Variants in DYNC2LI1 observed in about 807,000 individuals in gnomAD.
DYNC2LI1 encodes dynein cytoplasmic 2 light intermediate chain 1, also known as cytoplasmic dynein 2 light intermediate chain 1.
DYNC2LI1 carries 45 observed loss-of-function variants against 51.9 expected under a neutral mutation model. The ratio of observed to expected loss-of-function variants is 0.87; its 90% CI spans 0.68 to 1.11. The LOEUF (loss-of-function observed/expected upper bound fraction) is 1.11. DYNC2LI1 is among the 50% of genes most tolerant of loss of function. The probability of loss-of-function intolerance (pLI) is 0.00; values close to 1 mark genes in which losing one functional copy is unlikely to be tolerated. For missense variants in DYNC2LI1, 490 were observed against 417.4 expected (o/e 1.17, Z -1.51); for synonymous variants, 130 against 137.8 (o/e 0.94, Z 0.40).
intron 5 of DYNC2LI1, among the ~76,000 whole-genome samples, chr2:43,791,648 C>T (rs1277168460): frequency 1.3e-5 from 2 of 152,178 alleles, no homozygotes; most frequent in Non-Finnish European, 1.5e-5. Context: ...GTCAAAAACA[C>T]TCAAACTGTT....
At chr2:43,824,366 A>G in the DYNC2LI1 span, 1 of 1,614,186 alleles carries the variant, frequency 6.2e-7, no homozygotes, top group Non-Finnish European at 8.5e-7. Flanking sequence ...AGATTCTATC[A>G]TCTGGACTCT....
At chr2:43,822,970 C>G in the DYNC2LI1 span, 1 of 1,611,702 alleles carries the variant, frequency 6.2e-7, no homozygotes, top group Non-Finnish European at 8.5e-7. Flanking sequence ...AACAGTCAGT[C>G]ACCACCCAGC....
At chr2:43,808,288 AAT>A (rs1666344537) in intron 12 of DYNC2LI1, among the ~76,000 whole-genome samples, 1 of 151,974 alleles carries the variant, frequency 6.6e-6, no homozygotes, top group Non-Finnish European at 1.5e-5. Context: ...CACAAGGAAA[AAT>A]TCTTCCTAAG....
the DYNC2LI1 span, among the ~76,000 whole-genome samples, chr2:43,815,579 T>C: frequency 2.0e-5 from 3 of 151,962 alleles, no homozygotes; most frequent in Non-Finnish European, 2.9e-5. Flanking sequence ...CATTGAGAGG[T>C]TGCTAATTGA....
At chr2:43,795,048 A>G (rs1673969324) in intron 6 of DYNC2LI1, 2 of 1,047,436 alleles carry the variant, frequency 1.9e-6, no homozygotes, top group South Asian at 4.4e-5. Flanking sequence ...ATCACTCTGT[A>G]TTTTACATTC....
intron 10 of DYNC2LI1, among the ~76,000 whole-genome samples, chr2:43,803,454 A>G (rs1666138577): frequency 6.6e-6 from 1 of 152,182 alleles, no homozygotes; most frequent in Non-Finnish European, 1.5e-5. Flanking sequence ...ATTTATAAAA[A>G]ATTTTGAAAT....
At chr2:43,822,561 C>G in the DYNC2LI1 span, 1 of 984,140 alleles carries the variant, frequency 1.0e-6, no homozygotes, top group Non-Finnish European at 1.2e-6. Context: ...TGGGACAGGT[C>G]ATTCCCAGGC....
chr2:43,794,894 AG>A, intron 6 of DYNC2LI1: 1 of 1,386,970 alleles, frequency 7.2e-7, no homozygotes. Context: ...TCAGAGAAAT[AG>A]AGTTTTAAAG....
At chr2:43,809,636 C>A in intron 12 of DYNC2LI1, 69 bp from the exon 13 acceptor site, 1 of 1,015,870 alleles carries the variant, frequency 9.8e-7, no homozygotes, top group Non-Finnish European at 1.5e-6. Flanking sequence ...AATGAGAAGG[C>A]AGTTTTAAGG....
chr2:43,784,284 A>C (rs1263469381), intron 3 of DYNC2LI1, among the ~76,000 whole-genome samples: 1 of 152,230 alleles, frequency 6.6e-6, no homozygotes, highest in Non-Finnish European at 1.5e-5. Context: ...AACTATCAAC[A>C]GTAACACCTG....
intron 1 of DYNC2LI1, among the ~76,000 whole-genome samples, chr2:43,774,377 C>T (rs891864908): frequency 6.6e-6 from 1 of 152,198 alleles, no homozygotes; most frequent in Admixed American, 6.5e-5. Context: ...ATCAGCAACT[C>T]CACCCATTCA....
At chr2:43,814,422 A>C (rs765230893), downstream of DYNC2LI1, 11 of 1,126,666 alleles carry the variant, frequency 9.8e-6, no homozygotes, top group Non-Finnish European at 1.5e-5. Context: ...TTCCTCCAAG[A>C]AATTGCTTCC....
the DYNC2LI1 span, chr2:43,826,354 C>T: frequency 3.7e-6 from 6 of 1,613,484 alleles, no homozygotes; most frequent in Non-Finnish European, 5.1e-6. Flanking sequence ...ACACCATAGA[C>T]CCGGCCTTTA....
chr2:43,809,848 T>C lies in DYNC2LI1; in HGVS notation c.*81T>C. On this transcript the variant is annotated 3_prime_UTR_variant, in exon 13 of 13. Transcript: ENST00000260605. ...TACTGTGAATTAACTATTGTGGCAA[T>C]ATGTGAAGAAAGTTAAACTGTATAA... 6.6e-7 allele frequency: 1 copy of C among 1,514,432 alleles called. No individual in the cohort carries two copies. Among genetic ancestry groups the C allele is most frequent in the Non-Finnish European group, 8.8e-7 (1 of 1,133,416 alleles). 93.8% of individuals were successfully genotyped at this position (1,514,432 alleles called of 1,614,324 possible).
chr2:43,806,718 G>A (rs1215164249), intron 12 of DYNC2LI1, among the ~76,000 whole-genome samples: 3 of 152,210 alleles, frequency 2.0e-5, no homozygotes, highest in Non-Finnish European at 4.4e-5. Flanking sequence ...TAAAGGATTA[G>A]GGTATTTGTG....
rs774548903 is a variant in DYNC2LI1 at position 43,800,790 on chromosome 2, T to G, written c.655-51T>G. ...CAAAGCCATATTTATTTTACCTGTT[T>G]CTGTGATTGGAAAATAGAGCATGTA... On this transcript the variant is annotated intron_variant, in intron 8 of 12. Coordinates refer to ENST00000260605, the MANE Select transcript of DYNC2LI1 (RefSeq NM_016008.4). The G allele has an allele frequency of 1.3e-5, 13 of 1,018,106 alleles. No homozygotes were observed. In the African/African-American group the frequency reaches 2.1e-4, roughly 17 times the overall value. 63.1% of individuals were successfully genotyped at this position (1,018,106 alleles called of 1,614,324 possible).
At chr2:43,787,532 C>T (rs148315762) in intron 4 of DYNC2LI1, among the ~76,000 whole-genome samples, 26 of 152,138 alleles carry the variant, frequency 1.7e-4, no homozygotes, top group African/African-American at 6.0e-4. Context: ...GAGTTATTTT[C>T]TGTCTCTCAA....
At chr2:43,813,498 GC>G (rs1410662155), downstream of DYNC2LI1, among the ~76,000 whole-genome samples, 1 of 152,078 alleles carries the variant, frequency 6.6e-6, no homozygotes, top group Non-Finnish European at 1.5e-5. Context: ...AGATGGACAT[GC>G]TTTTGTTTCT....
intron 5 of DYNC2LI1, among the ~76,000 whole-genome samples, chr2:43,792,371 T>C (rs925657310): frequency 2.0e-5 from 3 of 152,230 alleles, no homozygotes; most frequent in African/African-American, 7.2e-5. Context: ...GTGCTATGTC[T>C]TCTAGCAGAA....
Sources: allele counts gnomAD v4.1 joint callset (sites outside exome capture counted in the v4.1 genomes callset), GRCh38; gene constraint gnomAD v4.1.1; transcripts MANE v1.5; gene names NCBI Gene and HGNC (gene_info 2026-07-23, HGNC 2026-07-21).